Variants in CENPM observed in about 807,000 individuals in gnomAD.
The protein encoded by CENPM is centromere protein M.
A neutral mutation model predicts 19.6 loss-of-function variants in CENPM; 14 were observed. That is an observed-to-expected ratio of 0.71 (90% CI 0.47 to 1.11). The LOEUF (loss-of-function observed/expected upper bound fraction) is 1.11. Among genes scored for constraint, CENPM ranks in the 50% most tolerant of loss-of-function variants. The pLI is 0.00. For synonymous variants in CENPM, 114 were observed against 101.5 expected, an observed-to-expected ratio of 1.12 and a Z score of -0.74; for missense variants, 239 against 228.4, an observed-to-expected ratio of 1.05 and a Z score of -0.30.
chr22:41,946,091 G>T (rs1277691677), intron 2 of CENPM, 86 bp from the exon 3 acceptor site: 5 of 1,171,024 alleles, frequency 4.3e-6, no homozygotes, highest in East Asian at 2.5e-5. Flanking sequence ...GTGGAAAGAG[G>T]CCGTCAAGGG....
Position 41,943,705 on chromosome 22 carries a change from G to A in CENPM, c.311-4C>T. The A allele has an allele frequency of 6.2e-7, 1 of 1,613,092 alleles. No individual in the cohort carries two copies. Among genetic ancestry groups the A allele is most frequent in the South Asian group, 1.1e-5 (1 of 90,864 alleles). ...CTGCAGTGGCTCTCCCGCCCAGCTG[G>A]AAAGAAGCCATGAGTGCTATAGCTG... On this transcript the variant is annotated splice_polypyrimidine_tract_variant and splice_region_variant and intron_variant, in intron 4 of 5. Coordinates refer to ENST00000215980, the MANE Select transcript of CENPM (RefSeq NM_024053.5).
chr22:41,943,715 A>T lies in CENPM; in HGVS notation c.311-14T>A, dbSNP rs1407686421. ...TCTCCCGCCCAGCTGGAAAGAAGCC[A>T]TGAGTGCTATAGCTGCAATCTCTAC... On this transcript the variant is annotated splice_polypyrimidine_tract_variant and intron_variant, in intron 4 of 5. Transcript: ENST00000215980. The T allele has an allele frequency of 6.2e-7, 1 of 1,611,332 alleles. No homozygotes were observed. Among genetic ancestry groups the T allele is most frequent in the Non-Finnish European group, 8.5e-7 (1 of 1,178,174 alleles).
the CENPM span, among the ~76,000 whole-genome samples, chr22:41,933,615 C>T: frequency 6.6e-6 from 1 of 152,186 alleles, no homozygotes; most frequent in Non-Finnish European, 1.5e-5. Flanking sequence ...GCATCCCATA[C>T]TCAGGTGGGA....
intron 2 of CENPM, 173 bp from the exon 3 acceptor site, chr22:41,946,178 G>A (rs574056011): frequency 1.5e-5 from 10 of 676,168 alleles, no homozygotes; most frequent in East Asian, 1.4e-4. Context: ...GGACAGGTCC[G>A]GTCCTATTCA....
intron 2 of CENPM, 88 bp from the exon 3 acceptor site, chr22:41,946,093 C>A: frequency 1.7e-6 from 2 of 1,171,964 alleles, no homozygotes; most frequent in South Asian, 1.3e-5. Context: ...GGAAAGAGGC[C>A]GTCAAGGGCT....
intron 5 of CENPM, among the ~76,000 whole-genome samples, chr22:41,943,011 A>G (rs2077756580): frequency 6.6e-6 from 1 of 152,142 alleles, no homozygotes; most frequent in African/African-American, 2.4e-5. Flanking sequence ...CTTGTGAGAA[A>G]CACCAACAGG....
chr22:41,927,742 G>A, the CENPM span, among the ~76,000 whole-genome samples: 2 of 151,970 alleles, frequency 1.3e-5, no homozygotes, highest in African/African-American at 4.8e-5. Context: ...CAGGTGATCC[G>A]CCCTCCTCGG....
chr22:41,938,621 T>G (rs2077695790), downstream of CENPM: 2 of 156,446 alleles, frequency 1.3e-5, no homozygotes, highest in African/African-American at 4.8e-5. Flanking sequence ...CACCTCGGCC[T>G]CCCAAAGTGC....
chr22:41,936,890 G>A (rs2077686213), downstream of CENPM, among the ~76,000 whole-genome samples: 2 of 152,132 alleles, frequency 1.3e-5, 1 homozygote, highest in South Asian at 4.1e-4. Context: ...TCACGCCACT[G>A]CACTCCAGCC....
rs1569425800 is a variant in CENPM at position 41,939,840 on chromosome 22, A to AAAAGAAAG, written c.403-652_403-645dup. 3.6e-3 allele frequency among the ~76,000 whole-genome samples: 50 copies of AAAAGAAAG among 14,022 alleles called. 2 individuals carry two copies. The highest frequency in any genetic ancestry group is 0.017 in the East Asian group (2 of 120). 9.2% of individuals were successfully genotyped at this position (14,022 alleles called of 152,430 possible). On this transcript the variant is annotated intron_variant, in intron 5 of 5. Transcript: ENST00000215980. Reference sequence around the variant, plus strand: ...AGAAAAAGAAAGAAAGAAAGAAAGAAAAAGAAAGAAAGAAAGAAAGAAAGA... The same window carrying AAAAGAAAG: ...AGAAAAAGAAAGAAAGAAAGAAAGAAAAAGAAAGAAAGAAAGAAAGAAAGAAAGAAAGA...
At chr22:41,937,667 C>T (rs1214061434), downstream of CENPM, among the ~76,000 whole-genome samples, 1 of 152,120 alleles carries the variant, frequency 6.6e-6, no homozygotes, top group Non-Finnish European at 1.5e-5. Flanking sequence ...TCACACAGTC[C>T]CAGGCATGTC....
At chr22:41,936,842 C>T (rs1363093488), downstream of CENPM, among the ~76,000 whole-genome samples, 1 of 152,130 alleles carries the variant, frequency 6.6e-6, no homozygotes, top group Admixed American at 6.5e-5. Context: ...GCAGGAGAAT[C>T]ACTTGAACCA....
chr22:41,939,320 C>T, intron 5 of CENPM, 124 bp from the exon 6 acceptor site: 1 of 1,150,900 alleles, frequency 8.7e-7, no homozygotes. Context: ...CAGGTCACCA[C>T]TGCCCACCAC....
Position 41,939,096 on chromosome 22 carries a change from A to T in CENPM, c.503T>A (p.Leu168Gln). Residue 168 changes from leucine to glutamine, a missense_variant, in exon 6 of 6, where the codon CTG (leucine) becomes CAG (glutamine). Transcript: ENST00000215980. ...PGVSALNLLS[L>Q]LRSSEGPSLE... is the part of the protein sequence containing the mutation. The stretch of plus-strand genomic sequence containing the variant: ...GGAGGGGCCCTCAGAGCTTCTCAGC[A>T]GGGACAGCAGGTTCAGAGCTGAGAC... The T allele has an allele frequency of 6.2e-7, 1 of 1,613,044 alleles. No homozygotes were observed. Among genetic ancestry groups the T allele is most frequent in the South Asian group, 1.1e-5 (1 of 91,076 alleles).
At chr22:41,945,111 G>A in intron 4 of CENPM, 114 bp downstream of exon 4, 1 of 1,566,072 alleles carries the variant, frequency 6.4e-7, no homozygotes, top group Non-Finnish European at 8.7e-7. Context: ...AGGCCCCAGT[G>A]TGTGTAAAAT....
intron 5 of CENPM, chr22:41,940,320 G>T: frequency 1.7e-6 from 1 of 600,030 alleles, no homozygotes. Flanking sequence ...CACCTGACAC[G>T]CCACGCCTCC....
At chr22:41,939,376 C>T (rs2077704832) in intron 5 of CENPM, among the ~76,000 whole-genome samples, 180 bp from the exon 6 acceptor site, 1 of 152,214 alleles carries the variant, frequency 6.6e-6, no homozygotes, top group South Asian at 2.1e-4. Context: ...CTTCCAACTG[C>T]CTCAGCTTGC....
chr22:41,935,552 G>A (rs2077680140), downstream of CENPM, among the ~76,000 whole-genome samples: 1 of 152,176 alleles, frequency 6.6e-6, no homozygotes. Context: ...CCAAAGTGAA[G>A]GTTCACCTCC....
chr22:41,935,243 G>A (rs2077678736), downstream of CENPM, among the ~76,000 whole-genome samples: 1 of 152,122 alleles, frequency 6.6e-6, no homozygotes, highest in African/African-American at 2.4e-5. Context: ...AGGAAAATGT[G>A]GCACAGGGAC....
Sources: gnomAD v4.1 joint callset for allele counts (sites outside exome capture counted in the v4.1 genomes callset) on GRCh38, gnomAD v4.1.1 for gene constraint, MANE v1.5 for transcripts, NCBI Gene and HGNC (gene_info 2026-07-23, HGNC 2026-07-21) for gene names.